The following SPTLC3 variants were observed in gnomAD, a reference collection of about 807,000 sequenced individuals.
SPTLC3 encodes the protein serine palmitoyltransferase long chain base subunit 3, also known as serine palmitoyltransferase 3.
SPTLC3 carries 36 observed loss-of-function variants against 59.3 expected under a neutral mutation model. The observed-to-expected ratio is 0.61, with a 90% CI of 0.47 to 0.80. SPTLC3 has a LOEUF of 0.80. Ranked by LOEUF, SPTLC3 falls within the 30% of genes least tolerant of loss-of-function variation. The probability of loss-of-function intolerance (pLI) is 0.00; values close to 1 mark genes in which losing one functional copy is unlikely to be tolerated. For missense variants in SPTLC3, 625 were observed against 685.1 expected, an observed-to-expected ratio of 0.91 and a Z score of 0.98; for synonymous variants, 257 against 240.8, an observed-to-expected ratio of 1.07 and a Z score of -0.62.
intron 1 of SPTLC3, among the ~76,000 whole-genome samples, chr20:13,037,401 C>A (rs1440555066): frequency 6.6e-6 from 1 of 152,206 alleles, no homozygotes; most frequent in Non-Finnish European, 1.5e-5. Context: ...AATCAACAGT[C>A]TGCATCGCAT....
intron 1 of SPTLC3, among the ~76,000 whole-genome samples, chr20:13,012,370 T>A (rs935229090): frequency 6.6e-5 from 10 of 152,212 alleles, no homozygotes; most frequent in South Asian, 2.1e-4. Context: ...TAACAGGTGG[T>A]TGCTTTTTTT....
At chr20:13,117,935 G>A (rs1001182611) in intron 8 of SPTLC3, among the ~76,000 whole-genome samples, 1 of 152,144 alleles carries the variant, frequency 6.6e-6, no homozygotes, top group Admixed American at 6.5e-5. Context: ...TGTGATGAGT[G>A]ATCACACTAT....
chr20:13,139,504 G>T (rs959562579), intron 9 of SPTLC3, among the ~76,000 whole-genome samples: 3 of 152,160 alleles, frequency 2.0e-5, no homozygotes, highest in Non-Finnish European at 2.9e-5. Flanking sequence ...TCAATGTACG[G>T]TTTCCAAAGT....
chr20:13,083,096 G>A (rs1351735515), intron 4 of SPTLC3, among the ~76,000 whole-genome samples: 1 of 152,204 alleles, frequency 6.6e-6, no homozygotes, highest in Admixed American at 6.5e-5. Flanking sequence ...CTTGACACCT[G>A]TGTTTCTTCT....
rs1199737760 is a variant in SPTLC3, at chr20:13,049,044, G to A, written c.217G>A (p.Gly73Arg). ...TTTCACTTACATGGGATATGGAATT[G>A]GAACCCTGTTTGGCTATCTCAGAGA... ...MVFTYMGYGI[G>R]TLFGYLRDFL... The change falls in exon 2 of 12, where the codon GGA (glycine) becomes AGA (arginine). Residue 73 changes from glycine to arginine, a missense_variant. Coordinates refer to ENST00000399002, the MANE Select transcript of SPTLC3 (RefSeq NM_018327.4). 3.7e-6 allele frequency: 6 copies of A among 1,613,782 alleles called. No individual in the cohort carries two copies. The highest frequency in any genetic ancestry group is 8.5e-7 in the Non-Finnish European group (1 of 1,179,896).
In SPTLC3 at chr20:13,126,671, C is replaced by A; in HGVS notation, c.1233C>A (p.Ile411=). The A allele has an allele frequency of 6.2e-7, 1 of 1,614,046 alleles. No homozygotes were observed. Among genetic ancestry groups the A allele is most frequent in the Admixed American group, 1.7e-5 (1 of 60,022 alleles). The change falls in exon 9 of 12, where the codon ATC becomes ATA. Residue 411 remains isoleucine (I), a synonymous_variant. Transcript: ENST00000399002. ...SSMSPPIAEQ[I]IRSLKLIMGL... is the part of the protein sequence containing the mutation. ...TGAGCCCACCGATAGCAGAGCAAAT[C>A]ATCAGATCACTAAAACTTATCATGG... is the stretch of plus-strand genomic sequence containing the variant.
At chr20:13,013,198 C>T (rs1985345317) in intron 1 of SPTLC3, among the ~76,000 whole-genome samples, 1 of 152,190 alleles carries the variant, frequency 6.6e-6, no homozygotes, top group African/African-American at 2.4e-5. Flanking sequence ...AGTTTTAGAA[C>T]CATTTAAGCT....
chr20:13,037,984 G>A (rs1433394202), intron 1 of SPTLC3, among the ~76,000 whole-genome samples: 1 of 149,602 alleles, frequency 6.7e-6, no homozygotes, highest in African/African-American at 2.5e-5. Context: ...CCATCAGCCA[G>A]AATGAGTCAC....
chr20:13,084,600 TTAAGA>T (rs3039611), intron 4 of SPTLC3, among the ~76,000 whole-genome samples: 41,552 of 151,818 alleles, frequency 0.27, 5,781 homozygotes, highest in Middle Eastern at 0.35. Context: ...TGGATGACAA[TTAAGA>T]TAAGGTTTAA....
chr20:13,023,320 C>T lies in SPTLC3; in HGVS notation c.117+13936C>T, dbSNP rs75650983. 7.2e-3 allele frequency among the ~76,000 whole-genome samples: 1,089 copies of T among 151,870 alleles called. 10 individuals carry two copies. Among genetic ancestry groups the T allele is most frequent in the African/African-American group, 0.025 (1,016 of 41,400 alleles). ...ACATATACCTACACACATAAACACA[C>T]ATGCATGCACACATTAATTTATTTC... On this transcript the variant is annotated intron_variant, in intron 1 of 11. Coordinates refer to ENST00000399002, the MANE Select transcript of SPTLC3 (RefSeq NM_018327.4).
At chr20:13,155,649 AC>A (rs1203319146) in intron 10 of SPTLC3, among the ~76,000 whole-genome samples, 4 of 151,938 alleles carry the variant, frequency 2.6e-5, no homozygotes, top group Non-Finnish European at 5.9e-5. Flanking sequence ...ACATGGTGAA[AC>A]CCCGTGTCTA....
At chr20:13,095,835 T>C (rs1017453189) in intron 6 of SPTLC3, among the ~76,000 whole-genome samples, 1 of 152,174 alleles carries the variant, frequency 6.6e-6, no homozygotes, top group Non-Finnish European at 1.5e-5. Context: ...TTTTACACTC[T>C]TGATCGAAAG....
chr20:13,105,173 A>C (rs1989810658), intron 6 of SPTLC3, among the ~76,000 whole-genome samples: 2 of 152,144 alleles, frequency 1.3e-5, no homozygotes, highest in African/African-American at 4.8e-5. Context: ...CCAGGGGCTA[A>C]GGTGGGGCCA....
At chr20:13,107,048 G>T (rs1372319794) in intron 6 of SPTLC3, among the ~76,000 whole-genome samples, 1 of 152,176 alleles carries the variant, frequency 6.6e-6, no homozygotes, top group Non-Finnish European at 1.5e-5. Flanking sequence ...TGGGTTTGAG[G>T]TTCCCATATT....
At chr20:13,096,034 T>A (rs1395386015) in intron 6 of SPTLC3, among the ~76,000 whole-genome samples, 1 of 152,104 alleles carries the variant, frequency 6.6e-6, no homozygotes. Flanking sequence ...AGGGCCATGA[T>A]GACATCAAGC....
At chr20:13,151,129 G>C (rs1315934879) in intron 9 of SPTLC3, among the ~76,000 whole-genome samples, 9 of 152,002 alleles carry the variant, frequency 5.9e-5, no homozygotes, top group Admixed American at 5.2e-4. Context: ...CTTCTTTATA[G>C]GTTGCCACAG....
At chr20:13,128,701 T>A (rs2038050417) in intron 9 of SPTLC3, among the ~76,000 whole-genome samples, 2 of 151,914 alleles carry the variant, frequency 1.3e-5, no homozygotes, top group South Asian at 4.2e-4. Context: ...TGGGTTTTTT[T>A]AAAATTTGAG....
chr20:13,067,665 A>G (rs1026332565), intron 2 of SPTLC3, among the ~76,000 whole-genome samples: 2 of 152,188 alleles, frequency 1.3e-5, no homozygotes, highest in African/African-American at 4.8e-5. Flanking sequence ...CTAATTCTTT[A>G]AGAATAAAAT....
chr20:13,088,706 C>T (rs1249990950), intron 4 of SPTLC3, among the ~76,000 whole-genome samples: 1 of 151,886 alleles, frequency 6.6e-6, no homozygotes, highest in Non-Finnish European at 1.5e-5. Flanking sequence ...GCAACCTCTG[C>T]CTCCCAAGTT....
Sources: gnomAD v4.1 joint callset for allele counts (sites outside exome capture counted in the v4.1 genomes callset) on GRCh38, gnomAD v4.1.1 for gene constraint, MANE v1.5 for transcripts, NCBI Gene and HGNC (gene_info 2026-07-23, HGNC 2026-07-21) for gene names.